SLC8A1: variants seen among roughly 807,000 people sequenced by gnomAD.
SLC8A1 encodes sodium/calcium exchanger 1.
Under a neutral mutation model 68.3 loss-of-function variants are expected in SLC8A1, and 18 were observed. The ratio of observed to expected loss-of-function variants is 0.26; its 90% CI spans 0.18 to 0.39. The LOEUF (loss-of-function observed/expected upper bound fraction) is 0.39. Ranked by LOEUF, SLC8A1 falls within the 10% of genes least tolerant of loss-of-function variation. The probability of loss-of-function intolerance (pLI) is 1.00; values close to 1 mark genes in which losing one functional copy is unlikely to be tolerated. For missense variants in SLC8A1, 985 were observed against 1,156.7 expected, an observed-to-expected ratio of 0.85 and a Z score of 2.15; for synonymous variants, 475 against 415.5, an observed-to-expected ratio of 1.14 and a Z score of -1.74.
At chr2:40,369,486 T>TA (rs1677315791) in intron 2 of SLC8A1, among the ~76,000 whole-genome samples, 1 of 152,048 alleles carries the variant, frequency 6.6e-6, no homozygotes, top group Non-Finnish European at 1.5e-5. Context: ...TGAATAGATT[T>TA]AGCATTGCTA....
At chr2:40,313,012 T>C (rs141987996) in intron 2 of SLC8A1, among the ~76,000 whole-genome samples, 444 of 152,218 alleles carry the variant, frequency 2.9e-3, no homozygotes, top group African/African-American at 0.01. Flanking sequence ...ATACTACGTA[T>C]ATACACACAC....
chr2:40,353,262 G>A (rs1216218057), intron 2 of SLC8A1, among the ~76,000 whole-genome samples: 2 of 152,054 alleles, frequency 1.3e-5, no homozygotes, highest in Non-Finnish European at 2.9e-5. Context: ...ATGTCTCTGA[G>A]CCTCCTTAGG....
At chr2:40,197,268 T>C (rs1300923871) in intron 2 of SLC8A1, among the ~76,000 whole-genome samples, 1 of 152,008 alleles carries the variant, frequency 6.6e-6, no homozygotes, top group Admixed American at 6.6e-5. Flanking sequence ...TTTCTACGCA[T>C]GCATGTAACT....
In SLC8A1 at chr2:40,256,633, T is replaced by C. The variant is rs139575032; in HGVS notation, c.1809-78778A>G. Among the ~76,000 whole-genome samples, 82 of 152,320 alleles carry C rather than the reference T, an allele frequency of 5.4e-4. 1 individual carries two copies. Among genetic ancestry groups the C allele is most frequent in the African/African-American group, 1.8e-3 (76 of 41,576 alleles). On this transcript the variant is annotated intron_variant, in intron 2 of 7. Coordinates refer to ENST00000406785, the Ensembl canonical transcript of SLC8A1. ...ATGCTAAGTAGCTTCATTTTGTTGT[T>C]GTTGTTTTTTAAATCACCCAACCTT... is the stretch of plus-strand genomic sequence containing the variant.
intron 6 of SLC8A1, among the ~76,000 whole-genome samples, chr2:40,140,109 C>T (rs2041269375): frequency 1.3e-5 from 2 of 152,180 alleles, no homozygotes; most frequent in African/African-American, 4.8e-5. Flanking sequence ...TGAAGTCCAA[C>T]TCTGGGTTAT....
chr2:40,153,132 C>A (rs1208425767), intron 6 of SLC8A1, among the ~76,000 whole-genome samples: 3 of 151,854 alleles, frequency 2.0e-5, no homozygotes, highest in Non-Finnish European at 4.4e-5. Context: ...TTTAAAGATA[C>A]CTGTGAAGTA....
chr2:40,252,549 G>A lies in SLC8A1; in HGVS notation c.1809-74694C>T, dbSNP rs144523219. On this transcript the variant is annotated intron_variant, in intron 2 of 7. Transcript: ENST00000406785. Reference sequence around the variant, plus strand: ...GGGTTTCACCATGTTGGCCAGGAGGGACTCAAACTCCTGACCTCAAGTGAT... The same window carrying A: ...GGGTTTCACCATGTTGGCCAGGAGGAACTCAAACTCCTGACCTCAAGTGAT... Among the ~76,000 whole-genome samples the A allele has an allele frequency of 6.5e-3, 991 of 152,136 alleles. 4 individuals carry two copies. Among genetic ancestry groups the A allele is most frequent in the Non-Finnish European group, 0.011 (740 of 67,994 alleles).
upstream of SLC8A1, chr2:40,452,193 C>T (rs1337399533): frequency 6.8e-6 from 1 of 147,518 alleles, no homozygotes; most frequent in African/African-American, 2.4e-5. Context: ...CCCGCGCACA[C>T]TCGCCCGCCC....
chr2:40,108,962 TG>T (rs2034393399), exon 8 of SLC8A1: 1 of 152,204 alleles, frequency 6.6e-6, no homozygotes, highest in Non-Finnish European at 1.5e-5. Context: ...TGAAAATCTC[TG>T]GGCAGGATTC....
At chr2:40,115,650 G>T (rs762175920) in intron 7 of SLC8A1, 21 bp from the exon 11 acceptor site, 2 of 1,593,020 alleles carry the variant, frequency 1.3e-6, no homozygotes, top group South Asian at 1.1e-5. Flanking sequence ...AGAAGAGAAA[G>T]TCAATGACAC....
At chr2:40,503,779 T>C (rs1412229558) in intron 1 of SLC8A1, among the ~76,000 whole-genome samples, 1 of 151,830 alleles carries the variant, frequency 6.6e-6, no homozygotes. Context: ...ATGAAAACGA[T>C]AAAACATTGA....
intron 2 of SLC8A1, among the ~76,000 whole-genome samples, chr2:40,292,967 C>T (rs1036834235): frequency 6.6e-6 from 1 of 152,094 alleles, no homozygotes; most frequent in Non-Finnish European, 1.5e-5. Context: ...AAAAGAGGAC[C>T]TGTGTGCCTT....
At chr2:40,503,506 A>T (rs576042342) in intron 1 of SLC8A1, among the ~76,000 whole-genome samples, 4 of 152,146 alleles carry the variant, frequency 2.6e-5, no homozygotes. Flanking sequence ...TTTGACAGGA[A>T]GGAGTCAAAC....
At chr2:40,504,132 G>A (rs997959582) in intron 1 of SLC8A1, among the ~76,000 whole-genome samples, 8 of 151,866 alleles carry the variant, frequency 5.3e-5, no homozygotes, top group Non-Finnish European at 1.2e-4. Context: ...ACAGAATAGA[G>A]AACCCAGAAA....
At chr2:40,126,416 C>T (rs2038104413) in intron 7 of SLC8A1, among the ~76,000 whole-genome samples, 1 of 152,054 alleles carries the variant, frequency 6.6e-6, no homozygotes, top group Admixed American at 6.5e-5. Flanking sequence ...CCTAACTAAT[C>T]CAGAATATTT....
chr2:40,303,126 T>C lies in SLC8A1; in HGVS notation c.1809-125271A>G, dbSNP rs79002552. Among the ~76,000 whole-genome samples the C allele has an allele frequency of 2.6e-5, 4 of 152,346 alleles. No individual in the cohort carries two copies. In the East Asian group the frequency reaches 7.7e-4, roughly 29 times the overall value. ...CTGCCAAAATCTGATTCATTTTGGATAAGTGATGATTTCCAGAAGTACAAT... is the reference window on the plus strand; with the variant it reads ...CTGCCAAAATCTGATTCATTTTGGACAAGTGATGATTTCCAGAAGTACAAT... On this transcript the variant is annotated intron_variant, in intron 2 of 7. Transcript: ENST00000406785.
intron 2 of SLC8A1, among the ~76,000 whole-genome samples, chr2:40,397,365 C>T (rs575853408): frequency 1.3e-5 from 2 of 152,272 alleles, no homozygotes; most frequent in South Asian, 4.1e-4. Flanking sequence ...GCAGTTCCAA[C>T]ATGGAATAAT....
At chr2:40,129,942 C>T (rs1261772139) in intron 7 of SLC8A1, among the ~76,000 whole-genome samples, 2 of 152,170 alleles carry the variant, frequency 1.3e-5, no homozygotes, top group Non-Finnish European at 2.9e-5. Context: ...TGCAGGACTT[C>T]AGATTGGGCA....
chr2:40,111,000 A>C (rs914895235), exon 8 of SLC8A1: 2 of 152,290 alleles, frequency 1.3e-5, no homozygotes, highest in African/African-American at 4.8e-5. Context: ...ACCCCTGTGG[A>C]AAATGCAATG....
Sources: gnomAD v4.1 joint callset for allele counts (sites outside exome capture counted in the v4.1 genomes callset) on GRCh38, gnomAD v4.1.1 for gene constraint, MANE v1.5 for transcripts, NCBI Gene and HGNC (gene_info 2026-07-23, HGNC 2026-07-21) for gene names.